Variants in EVPLL observed in about 807,000 individuals in gnomAD.
The protein encoded by EVPLL is envoplakin like.
In EVPLL, 39 loss-of-function variants were observed where a neutral mutation model predicts 46.2. The observed-to-expected ratio is 0.84, with a 90% CI of 0.65 to 1.10. The LOEUF is 1.10. EVPLL is among the 50% of genes least tolerant of loss of function. The pLI is 0.00. For missense variants in EVPLL, 385 were observed against 412.6 expected (o/e 0.93, Z 0.58); for synonymous variants, 156 against 165.8 (o/e 0.94, Z 0.46).
At chr17:18,382,363 G>C in intron 4 of EVPLL, 150 bp from the exon 5 acceptor site, 1 of 1,062,354 alleles carries the variant, frequency 9.4e-7, no homozygotes, top group Non-Finnish European at 1.3e-6. Flanking sequence ...CTCACCCTGG[G>C]TGAGCTGCAG....
Position 18,381,173 on chromosome 17 carries a change from C to G in EVPLL, c.63+173C>G. ...ACGGTGGGAGAGAGGGCTCAACTTCCTTCTTTGCTGGGCTCCCCTGTGTCT... is the reference window on the plus strand; with the variant it reads ...ACGGTGGGAGAGAGGGCTCAACTTCGTTCTTTGCTGGGCTCCCCTGTGTCT... On this transcript the variant is annotated intron_variant, in intron 2 of 10. Coordinates refer to ENST00000399134, the MANE Select transcript of EVPLL (RefSeq NM_001145127.2). The surrounding 1 kb of genome is among the most constrained non-coding windows in gnomAD (Gnocchi z 4.2). 1 of 1,205,502 alleles carries G rather than the reference C, an allele frequency of 8.3e-7. No individual in the cohort carries two copies. Among genetic ancestry groups the G allele is most frequent in the Non-Finnish European group, 1.2e-6 (1 of 869,286 alleles). The allele number at this position is 1,205,502 out of a possible 1,614,324, so 74.7% of individuals were successfully genotyped here. A position where few individuals can be genotyped will look rare whatever the true frequency, so the allele number is the denominator to read the frequency against.
intron 10 of EVPLL, chr17:18,388,491 T>A (rs1987849313): frequency 6.3e-6 from 3 of 474,510 alleles, no homozygotes; most frequent in Non-Finnish European, 7.8e-6. Flanking sequence ...CAGCTTCCTG[T>A]TCCTCTGGCT....
intron 1 of EVPLL, among the ~76,000 whole-genome samples, chr17:18,378,539 C>T (rs562943693): frequency 9.1e-4 from 138 of 152,238 alleles, no homozygotes; most frequent in African/African-American, 3.2e-3. Context: ...TGGCTGGGCG[C>T]GGTAGCTCAC....
chr17:18,385,724 AGT>A (rs1182577081), intron 9 of EVPLL, among the ~76,000 whole-genome samples: 2 of 152,158 alleles, frequency 1.3e-5, no homozygotes, highest in African/African-American at 4.8e-5. Flanking sequence ...ACAGCAGGAC[AGT>A]GTTTTCATTT....
rs2151628122 is a variant in EVPLL, at chr17:18,381,822, T to G, written c.346+92T>G. 6.4e-7 allele frequency: 1 copy of G among 1,574,370 alleles called. No homozygotes were observed. On this transcript the variant is annotated intron_variant, in intron 4 of 10. Coordinates refer to ENST00000399134, the MANE Select transcript of EVPLL (RefSeq NM_001145127.2). The surrounding 1 kb of genome is among the most constrained non-coding windows in gnomAD (Gnocchi z 4.2). ...CCTGACTGTAGGCTTGAACAGTCAGTGTATAGTGGTGTCTCAGGGGTCTGG... is the reference window on the plus strand; with the variant it reads ...CCTGACTGTAGGCTTGAACAGTCAGGGTATAGTGGTGTCTCAGGGGTCTGG...
chr17:18,382,947 G>C lies in EVPLL; in HGVS notation c.512-78G>C, dbSNP rs1987634386. 1.0e-5 allele frequency: 16 copies of C among 1,584,172 alleles called. No homozygotes were observed. The South Asian group carries it at 1.7e-4, about 17-fold the overall frequency. On this transcript the variant is annotated intron_variant, in intron 6 of 10. Transcript: ENST00000399134. ...GACCCTGCCCGGGGCCAGTGTTCCT[G>C]AGCGCCGCCCAATGGCGCCTTTTGC...
chr17:18,388,575 C>T (rs1445896172), intron 10 of EVPLL: 17 of 204,830 alleles, frequency 8.3e-5, no homozygotes, highest in Non-Finnish European at 1.4e-4. Flanking sequence ...TTGAGATGGC[C>T]CAGAGGACCT....
chr17:18,388,230 A>G lies in EVPLL; in HGVS notation c.888A>G (p.Pro296=), dbSNP rs586322. The G allele has an allele frequency of 0.57, 773,104 of 1,346,350 alleles. 235,622 individuals are homozygous for G. Among genetic ancestry groups the G allele is most frequent in the African/African-American group, 0.67 (44,513 of 66,548 alleles). 83.4% of individuals were successfully genotyped at this position (1,346,350 alleles called of 1,614,324 possible). A position where few individuals can be genotyped will look rare whatever the true frequency, so the allele number is the denominator to read the frequency against. Residue 296 remains proline (P), a synonymous_variant, in exon 10 of 11, where the codon CCA becomes CCG. Transcript: ENST00000399134. ...HVEDYSRILC[P]SSSPH The stretch of plus-strand genomic sequence containing the variant: ...CTTTCTTTCCACAGATTCTGTGTCC[A>G]TCTTCCTCTCCTCATTGACTCTGCA...
In EVPLL at chr17:18,383,615, C is replaced by G. The variant is rs1987676801; in HGVS notation, c.876+28C>G. 9 of 998,618 alleles carry G rather than the reference C, an allele frequency of 9.0e-6. 2 individuals are homozygous for G. The highest frequency in any genetic ancestry group is 4.2e-4 in the Middle Eastern group (2 of 4,726). 61.9% of individuals were successfully genotyped at this position (998,618 alleles called of 1,614,324 possible). ...GAGCCCTCGGGCAGCGGCAGGGCGG[C>G]AGGGCGGCAGGGCGGGAGGTCCCAC... On this transcript the variant is annotated intron_variant, in intron 9 of 10. Transcript: ENST00000399134.
intron 1 of EVPLL, among the ~76,000 whole-genome samples, chr17:18,379,380 C>T (rs146844467): frequency 1.1e-4 from 16 of 152,348 alleles, no homozygotes; most frequent in African/African-American, 3.8e-4. Context: ...TCTGGGCCGA[C>T]GGGAAAGACA....
In EVPLL at chr17:18,383,512, G is replaced by A; in HGVS notation, c.801G>A (p.Lys267=). Residue 267 remains lysine (K), a synonymous_variant, in exon 9 of 11, where the codon AAG becomes AAA. Transcript: ENST00000399134. ...CCCAGGCCCACCAGGAGGCCCTGAAGATGGAGTGGCAGAACTTCCTGAACC... is the reference window on the plus strand; with the variant it reads ...CCCAGGCCCACCAGGAGGCCCTGAAAATGGAGTGGCAGAACTTCCTGAACC... ...GPIQAHQEAL[K]MEWQNFLNLC... 1 of 1,584,726 alleles carries A rather than the reference G, an allele frequency of 6.3e-7. No individual in the cohort carries two copies. Among genetic ancestry groups the A allele is most frequent in the Non-Finnish European group, 8.6e-7 (1 of 1,165,302 alleles).
At chr17:18,379,255 G>A (rs1329143024) in intron 1 of EVPLL, among the ~76,000 whole-genome samples, 2 of 152,210 alleles carry the variant, frequency 1.3e-5, no homozygotes, top group Admixed American at 6.5e-5. Context: ...GGAGGCAGCA[G>A]CCCGCCTGGG....
Position 18,382,561 on chromosome 17 carries a change from G to A in EVPLL, c.395G>A (p.Gly132Glu). 6.4e-7 allele frequency: 1 copy of A among 1,551,868 alleles called. No individual in the cohort carries two copies. Among genetic ancestry groups the A allele is most frequent in the Non-Finnish European group, 8.7e-7 (1 of 1,147,056 alleles). The change falls in exon 5 of 11, where the codon GGA becomes GAA. Residue 132 changes from glycine to glutamate, a missense_variant. Coordinates refer to ENST00000399134, the MANE Select transcript of EVPLL (RefSeq NM_001145127.2). ...PVWAGHGGAGGTDRGAQHRAE... is the reference protein window; with the variant it reads ...PVWAGHGGAGETDRGAQHRAE... ...TGGGCCGGGCATGGCGGAGCTGGAG[G>A]AACAGATCGCGGAGCTCAACATCGT...
intron 9 of EVPLL, among the ~76,000 whole-genome samples, chr17:18,384,976 CAGAG>C (rs10539436): frequency 0.6 from 89,215 of 148,710 alleles, 27,424 homozygotes; most frequent in African/African-American, 0.68. Context: ...ATGGAGAGAG[CAGAG>C]AGAGAGAAAC....
At chr17:18,378,025 G>A in intron 1 of EVPLL, 42 bp downstream of exon 1, 1 of 609,960 alleles carries the variant, frequency 1.6e-6, no homozygotes, top group Non-Finnish European at 2.6e-6. Context: ...AGCTAGGGTG[G>A]GGGTGGTGCC....
Position 18,380,958 on chromosome 17 carries a change from G to T in EVPLL, c.21G>T (p.Gln7His), listed in dbSNP as rs557821753. The T allele has an allele frequency of 1.3e-6, 2 of 1,596,886 alleles. No individual in the cohort carries two copies. Among genetic ancestry groups the T allele is most frequent in the South Asian group, 1.1e-5 (1 of 87,564 alleles). ...CCCACATGCAAGCCAGCGCCGACCA[G>T]GTGGAGCGGGACATCCTGGAGACGC... MQASAD[Q>H]VERDILETQK... is the part of the protein sequence containing the mutation. Residue 7 changes from glutamine to histidine, a missense_variant, in exon 2 of 11, where the codon CAG becomes CAT. Transcript: ENST00000399134.
chr17:18,379,810 A>G (rs1387359606), intron 1 of EVPLL: 1 of 152,256 alleles, frequency 6.6e-6, no homozygotes, highest in Non-Finnish European at 1.5e-5. Context: ...CCAGGCCTGC[A>G]CTGGATGTTT....
rs1171172387 is a variant in EVPLL at position 18,381,640 on chromosome 17, G to C, written c.256G>C (p.Ala86Pro). 1.2e-6 allele frequency: 2 copies of C among 1,614,188 alleles called. No individual in the cohort carries two copies. ...QLHERVTQEC[A>P]EYCALYEKMV... ...GCACGAGCGGGTGACCCAGGAGTGT[G>C]CGGAGTACTGTGCCCTGTACGAGAA... Residue 86 changes from alanine (A) to proline (P), a missense_variant, in exon 4 of 11, where the codon GCG (alanine) becomes CCG (proline). By Grantham distance (27) the Ala-to-Pro change is conservative. Coordinates refer to ENST00000399134, the MANE Select transcript of EVPLL (RefSeq NM_001145127.2). The surrounding 1 kb of genome is among the most constrained non-coding windows in gnomAD (Gnocchi z 4.2).
intron 9 of EVPLL, among the ~76,000 whole-genome samples, chr17:18,387,159 A>G (rs1484576807): frequency 1.3e-5 from 2 of 150,034 alleles, no homozygotes; most frequent in South Asian, 4.3e-4. Flanking sequence ...TCGGCCTCCC[A>G]AAGTGCTGGG....
Sources: allele counts gnomAD v4.1 joint callset (sites outside exome capture counted in the v4.1 genomes callset), GRCh38; gene constraint gnomAD v4.1.1; non-coding constraint Gnocchi (gnomAD v3.1); transcripts MANE v1.5; gene names NCBI Gene and HGNC (gene_info 2026-07-23, HGNC 2026-07-21).